NCKAP5: variants seen among roughly 807,000 people sequenced by gnomAD.
NCKAP5 encodes the protein nck-associated protein 5.
Under a neutral mutation model 167.0 loss-of-function variants are expected in NCKAP5, and 92 were observed. The ratio of observed to expected loss-of-function variants is 0.55; its 90% CI spans 0.47 to 0.66. The LOEUF is 0.66. Ranked by LOEUF, NCKAP5 falls within the 30% of genes least tolerant of loss-of-function variation. NCKAP5 has a pLI of 0.00. For missense variants in NCKAP5, 2,378 were observed against 2,315.0 expected (o/e 1.03, Z -0.56); for synonymous variants, 891 against 877.4 (o/e 1.02, Z -0.27).
chr2:133,026,755 T>A (rs1262106519), intron 6 of NCKAP5, among the ~76,000 whole-genome samples: 2 of 152,182 alleles, frequency 1.3e-5, no homozygotes, highest in Non-Finnish European at 2.9e-5. Flanking sequence ...TGCCAACACC[T>A]CTCTTACATG....
chr2:132,892,402 C>A (rs1692782896), intron 8 of NCKAP5, among the ~76,000 whole-genome samples: 4 of 152,108 alleles, frequency 2.6e-5, no homozygotes, highest in Admixed American at 2.6e-4. Flanking sequence ...TAAAAACAAC[C>A]TTTAAACCTT....
intron 3 of NCKAP5, among the ~76,000 whole-genome samples, chr2:133,426,939 A>T (rs911391558): frequency 6.6e-6 from 1 of 152,216 alleles, no homozygotes; most frequent in Non-Finnish European, 1.5e-5. Flanking sequence ...ACAGAACATA[A>T]AGTAGTGTAA....
At position 132,788,735 on chromosome 2, in the gene NCKAP5, A is replaced by G. The variant is rs1307053374; in HGVS notation, c.1092+1288T>C. Among the ~76,000 whole-genome samples, 3 of 152,200 alleles carry G rather than the reference A, an allele frequency of 2.0e-5. No homozygotes were observed. In the East Asian group the frequency reaches 5.8e-4, roughly 29 times the overall value. Reference sequence around the variant, plus strand: ...TTCTGTTTGTACACAAGTAAAACATACTTGTGAGCTCAAAAAGCACAATCA... The same window carrying G: ...TTCTGTTTGTACACAAGTAAAACATGCTTGTGAGCTCAAAAAGCACAATCA... On this transcript the variant is annotated intron_variant, in intron 13 of 19. Coordinates refer to ENST00000409261, the MANE Select transcript of NCKAP5 (RefSeq NM_207363.3).
At chr2:133,540,795 G>C (rs1280872733) in intron 2 of NCKAP5, among the ~76,000 whole-genome samples, 2 of 151,872 alleles carry the variant, frequency 1.3e-5, no homozygotes, top group East Asian at 3.9e-4. Context: ...AATTAGCCAG[G>C]CGTGGTGGCA....
At chr2:132,895,957 A>G (rs1693168323) in intron 8 of NCKAP5, among the ~76,000 whole-genome samples, 1 of 152,198 alleles carries the variant, frequency 6.6e-6, no homozygotes, top group African/African-American at 2.4e-5. Context: ...CAACATGGCA[A>G]AACTCCGTCT....
chr2:133,034,996 A>G (rs934793779), intron 6 of NCKAP5, among the ~76,000 whole-genome samples: 1 of 152,064 alleles, frequency 6.6e-6, no homozygotes, highest in Non-Finnish European at 1.5e-5. Context: ...AAGAAGACCC[A>G]TTGATCTGTT....
At chr2:133,627,374 T>C in the NCKAP5 span, among the ~76,000 whole-genome samples, 6 of 152,264 alleles carry the variant, frequency 3.9e-5, no homozygotes, top group East Asian at 7.7e-4. Context: ...AATTTTATAA[T>C]ATTTAAAACT....
At chr2:133,164,360 G>A in intron 5 of NCKAP5, among the ~76,000 whole-genome samples, 1 of 152,180 alleles carries the variant, frequency 6.6e-6, no homozygotes, top group East Asian at 1.9e-4. Flanking sequence ...GCTCTGGAGT[G>A]AGAGCTGTGT....
chr2:133,180,505 T>A (rs375681268), intron 5 of NCKAP5, among the ~76,000 whole-genome samples: 13 of 152,138 alleles, frequency 8.5e-5, no homozygotes, highest in African/African-American at 2.6e-4. Context: ...GCCTGCCTAA[T>A]TTTTGTATTT....
At chr2:132,856,832 C>T (rs2105516750) in intron 11 of NCKAP5, among the ~76,000 whole-genome samples, 1 of 152,256 alleles carries the variant, frequency 6.6e-6, no homozygotes, top group Non-Finnish European at 1.5e-5. Flanking sequence ...GAAAATTTGT[C>T]CTCTTACTCA....
At chr2:133,577,504 T>A in the NCKAP5 span, among the ~76,000 whole-genome samples, 1 of 152,192 alleles carries the variant, frequency 6.6e-6, no homozygotes, top group Non-Finnish European at 1.5e-5. Flanking sequence ...TTCTTCTTTT[T>A]TTTAATAGGA....
At chr2:132,840,901 TTGAAAA>T (rs1411221149) in intron 11 of NCKAP5, among the ~76,000 whole-genome samples, 2 of 152,190 alleles carry the variant, frequency 1.3e-5, no homozygotes, top group Non-Finnish European at 2.9e-5. Context: ...TGTATATTTA[TTGAAAA>T]AAAATCTGTG....
At chr2:132,879,494 T>G (rs1005820770) in intron 8 of NCKAP5, among the ~76,000 whole-genome samples, 1 of 152,224 alleles carries the variant, frequency 6.6e-6, no homozygotes, top group Admixed American at 6.5e-5. Context: ...TAGAGCCATG[T>G]GGGTATGTGG....
chr2:133,078,553 G>T (rs944115626), intron 6 of NCKAP5, among the ~76,000 whole-genome samples: 2 of 152,104 alleles, frequency 1.3e-5, no homozygotes, highest in Non-Finnish European at 2.9e-5. Flanking sequence ...TGGGGTGAAG[G>T]TGGCAACTGG....
In NCKAP5 at chr2:132,711,465, C is replaced by T. The variant is rs543071164; in HGVS notation, c.5713+14162G>A. ...TCATTTGGTGGGTGAGAATCCGAGG[C>T]ACAGAAAGGCTCAGTGATCCAACAT... On this transcript the variant is annotated intron_variant, in intron 19 of 19. Coordinates refer to ENST00000409261, the MANE Select transcript of NCKAP5 (RefSeq NM_207363.3). Among the ~76,000 whole-genome samples, 18 of 152,316 alleles carry T rather than the reference C, an allele frequency of 1.2e-4. No individual in the cohort carries two copies. In the East Asian group the frequency reaches 3.3e-3, roughly 28 times the overall value.
At chr2:132,988,079 G>A (rs1281276348) in intron 7 of NCKAP5, among the ~76,000 whole-genome samples, 1 of 152,096 alleles carries the variant, frequency 6.6e-6, no homozygotes, top group East Asian at 1.9e-4. Context: ...TGTAGTCCAG[G>A]CCTTATAGCA....
intron 3 of NCKAP5, among the ~76,000 whole-genome samples, chr2:133,502,509 C>T (rs1325509638): frequency 1.3e-5 from 2 of 152,218 alleles, no homozygotes; most frequent in Non-Finnish European, 2.9e-5. Flanking sequence ...AGATATCTCA[C>T]TGCTTGTCCT....
At chr2:132,971,489 A>C (rs913941839) in intron 7 of NCKAP5, among the ~76,000 whole-genome samples, 1 of 152,206 alleles carries the variant, frequency 6.6e-6, no homozygotes, top group East Asian at 1.9e-4. Context: ...ATTTTCAAGT[A>C]TGGCAGCAGT....
At chr2:133,579,974 A>G in the NCKAP5 span, among the ~76,000 whole-genome samples, 1 of 152,202 alleles carries the variant, frequency 6.6e-6, no homozygotes, top group African/African-American at 2.4e-5. Context: ...ACATGTCTAC[A>G]CAAAAAATAG....
Sources: allele counts gnomAD v4.1 joint callset (sites outside exome capture counted in the v4.1 genomes callset), GRCh38; gene constraint gnomAD v4.1.1; transcripts MANE v1.5; gene names NCBI Gene and HGNC (gene_info 2026-07-23, HGNC 2026-07-21).